ADGRL2: variants seen among roughly 807,000 people sequenced by gnomAD.
ADGRL2 encodes adhesion G protein-coupled receptor L2.
Under a neutral mutation model 157.4 loss-of-function variants are expected in ADGRL2, and 44 were observed. The ratio of observed to expected loss-of-function variants is 0.28; its 90% CI spans 0.22 to 0.36. ADGRL2 has a LOEUF of 0.36. Ranked by LOEUF, ADGRL2 falls within the 10% of genes least tolerant of loss-of-function variation. ADGRL2 has a pLI of 1.00. For synonymous variants in ADGRL2, 585 were observed against 624.7 expected, an observed-to-expected ratio of 0.94 and a Z score of 0.95; for missense variants, 1,510 against 1,768.9, an observed-to-expected ratio of 0.85 and a Z score of 2.63.
At chr1:81,626,648 G>A (rs551990369) in intron 3 of ADGRL2, among the ~76,000 whole-genome samples, 2 of 152,282 alleles carry the variant, frequency 1.3e-5, no homozygotes, top group African/African-American at 2.4e-5. Context: ...AAACACACGC[G>A]GGCAGTTTAG....
At chr1:81,708,979 A>G (rs1008443478) in intron 1 of ADGRL2, among the ~76,000 whole-genome samples, 1 of 152,126 alleles carries the variant, frequency 6.6e-6, no homozygotes, top group African/African-American at 2.4e-5. Flanking sequence ...ATTAGAGACC[A>G]CACTTCTGAA....
At chr1:81,816,531 A>T (rs1363515330) in intron 1 of ADGRL2, among the ~76,000 whole-genome samples, 5 of 151,914 alleles carry the variant, frequency 3.3e-5, no homozygotes, top group African/African-American at 1.2e-4. Context: ...TGCCATGCAA[A>T]CTATTTGATC....
chr1:81,984,738 A>C, intron 20 of ADGRL2, 27 bp downstream of exon 20: 1 of 1,610,320 alleles, frequency 6.2e-7, no homozygotes, highest in South Asian at 1.1e-5. Flanking sequence ...CAGCATCTTT[A>C]ATTAACCTTA....
chr1:81,453,078 A>T (rs1315867934), intron 2 of ADGRL2, among the ~76,000 whole-genome samples: 2 of 152,190 alleles, frequency 1.3e-5, no homozygotes, highest in Non-Finnish European at 1.5e-5. Context: ...AGGGAAGGGA[A>T]ACAAATTAAG....
At chr1:81,603,965 C>CTTT (rs35950804) in intron 3 of ADGRL2, among the ~76,000 whole-genome samples, 1 of 131,928 alleles carries the variant, frequency 7.6e-6, no homozygotes, top group African/African-American at 2.7e-5. Context: ...ATATCTTTTT[C>CTTT]TTTTTTTTTT....
At chr1:81,335,841 AAAAAAAAC>A (rs1014877764) in intron 1 of ADGRL2, among the ~76,000 whole-genome samples, 10 of 151,898 alleles carry the variant, frequency 6.6e-5, no homozygotes, top group South Asian at 2.1e-4. Flanking sequence ...GTTTAAAAAA[AAAAAAAAC>A]AAAAAACAAA....
In ADGRL2 at chr1:81,888,569, G is replaced by A. The variant is rs541410179; in HGVS notation, c.74-18448G>A. 1.6e-4 allele frequency among the ~76,000 whole-genome samples: 24 copies of A among 151,770 alleles called. 1 individual carries two copies. The South Asian group carries it at 4.2e-3, about 26-fold the overall frequency. Reference sequence around the variant, plus strand: ...TTCTCCCGCCTCAGCCTCCCGAGTAGCTAGGACTACAGGCGCCCGCCACCG... The same window carrying A: ...TTCTCCCGCCTCAGCCTCCCGAGTAACTAGGACTACAGGCGCCCGCCACCG... On this transcript the variant is annotated intron_variant, in intron 2 of 23. Transcript: ENST00000686636.
chr1:81,733,906 T>C (rs1014528798), intron 1 of ADGRL2, among the ~76,000 whole-genome samples: 2 of 152,044 alleles, frequency 1.3e-5, no homozygotes, highest in South Asian at 2.1e-4. Context: ...ACCTGGGTGA[T>C]GAAATAATTT....
intron 18 of ADGRL2, among the ~76,000 whole-genome samples, chr1:81,981,349 A>T (rs1661621016): frequency 6.6e-6 from 1 of 151,900 alleles, no homozygotes; most frequent in South Asian, 2.1e-4. Context: ...AGGTTCACCT[A>T]AGACTAGTTT....
At chr1:81,566,795 A>G (rs1485810915) in intron 2 of ADGRL2, among the ~76,000 whole-genome samples, 1 of 152,168 alleles carries the variant, frequency 6.6e-6, no homozygotes, top group Non-Finnish European at 1.5e-5. Context: ...CTTATTTTAT[A>G]TAAATAGGAA....
chr1:81,678,284 A>C (rs1161862178), intron 3 of ADGRL2, among the ~76,000 whole-genome samples: 1 of 152,198 alleles, frequency 6.6e-6, no homozygotes, highest in Non-Finnish European at 1.5e-5. Flanking sequence ...ACAACAAAAA[A>C]ATCGATGGTG....
In ADGRL2 at chr1:81,823,297, T is replaced by C. The variant is rs545883809; in HGVS notation, c.-100-13588T>C. Among the ~76,000 whole-genome samples the C allele has an allele frequency of 4.0e-5, 6 of 150,810 alleles. No homozygotes were observed. The South Asian group carries it at 1.3e-3, about 32-fold the overall frequency. On this transcript the variant is annotated intron_variant, in intron 1 of 23. Coordinates refer to ENST00000686636, the MANE Select transcript of ADGRL2 (RefSeq NM_001366006.2). ...TTCATTTATTCATGCCTGCCTCCCT[T>C]CCTCTCTCCTTCCCGTTTTTTCTCT... is the stretch of plus-strand genomic sequence containing the variant.
chr1:81,850,449 T>C (rs1235067395), intron 2 of ADGRL2, among the ~76,000 whole-genome samples: 1 of 151,972 alleles, frequency 6.6e-6, no homozygotes, highest in South Asian at 2.1e-4. Context: ...TGTTTTTCAC[T>C]AAGTGAAACA....
intron 11 of ADGRL2, among the ~76,000 whole-genome samples, chr1:81,965,599 A>G (rs1406052782): frequency 6.6e-6 from 1 of 152,232 alleles, no homozygotes; most frequent in Non-Finnish European, 1.5e-5. Flanking sequence ...TAGATGCCAT[A>G]AAGTCATTCA....
At chr1:81,396,260 T>C (rs13375187) in intron 1 of ADGRL2, among the ~76,000 whole-genome samples, 1 of 152,206 alleles carries the variant, frequency 6.6e-6, no homozygotes, top group Non-Finnish European at 1.5e-5. Context: ...TTTGTAGCTA[T>C]TGGATATGAG....
chr1:81,590,371 A>G (rs1009999966), intron 3 of ADGRL2, among the ~76,000 whole-genome samples: 1 of 152,034 alleles, frequency 6.6e-6, no homozygotes, highest in African/African-American at 2.4e-5. Context: ...AACCATTTCC[A>G]TGGATAGCTT....
intron 1 of ADGRL2, among the ~76,000 whole-genome samples, chr1:81,371,880 T>C (rs1248201807): frequency 1.3e-5 from 2 of 151,964 alleles, no homozygotes; most frequent in African/African-American, 4.8e-5. Flanking sequence ...AAACAGAAAA[T>C]CTAGCATGCT....
intron 1 of ADGRL2, among the ~76,000 whole-genome samples, chr1:81,390,222 C>T (rs74093540): frequency 5.2e-4 from 79 of 152,376 alleles, no homozygotes; most frequent in Admixed American, 5.1e-3. Context: ...TATGAGCATG[C>T]GCAAAGAATG....
intron 1 of ADGRL2, chr1:81,306,605 A>G (rs1659352135): frequency 6.6e-6 from 1 of 152,150 alleles, no homozygotes; most frequent in Admixed American, 6.6e-5. Context: ...TGCTGGCATT[A>G]GGTACAAATA....
Sources: gnomAD v4.1 joint callset for allele counts (sites outside exome capture counted in the v4.1 genomes callset) on GRCh38, gnomAD v4.1.1 for gene constraint, MANE v1.5 for transcripts, NCBI Gene and HGNC (gene_info 2026-07-23, HGNC 2026-07-21) for gene names.